Variants in VAV3 observed in about 807,000 individuals in gnomAD.
VAV3 encodes the protein guanine nucleotide exchange factor VAV3.
In VAV3, 94 loss-of-function variants were observed where a neutral mutation model predicts 131.2. The observed-to-expected ratio is 0.72, with a 90% CI of 0.61 to 0.85. VAV3 has a LOEUF of 0.85. Ranked by LOEUF, VAV3 falls within the 40% of genes least tolerant of loss-of-function variation. VAV3 has a pLI of 0.00. For missense variants in VAV3, 939 were observed against 1,002.7 expected, an observed-to-expected ratio of 0.94 and a Z score of 0.86; for synonymous variants, 349 against 342.0, an observed-to-expected ratio of 1.02 and a Z score of -0.22.
chr1:107,761,037 C>A (rs1053548156), intron 9 of VAV3, among the ~76,000 whole-genome samples, 158 bp from the exon 10 acceptor site: 1 of 152,136 alleles, frequency 6.6e-6, no homozygotes, highest in Non-Finnish European at 1.5e-5. Flanking sequence ...TTTAAAAAAA[C>A]AAATCTTGTA....
intron 19 of VAV3, among the ~76,000 whole-genome samples, chr1:107,681,028 C>A (rs1156328500): frequency 2.0e-5 from 3 of 152,200 alleles, no homozygotes; most frequent in Non-Finnish European, 4.4e-5. Context: ...CTACTACCCA[C>A]TGGACTATGC....
chr1:107,803,101 C>T (rs1666903692), intron 2 of VAV3, among the ~76,000 whole-genome samples: 2 of 151,840 alleles, frequency 1.3e-5, no homozygotes, highest in African/African-American at 4.8e-5. Context: ...TTATCTGTTT[C>T]TTCTAGTTTT....
intron 2 of VAV3, among the ~76,000 whole-genome samples, chr1:107,783,643 G>A (rs543438633): frequency 1.1e-4 from 17 of 152,210 alleles, no homozygotes; most frequent in Admixed American, 5.9e-4. Flanking sequence ...ACTCCTCCAC[G>A]GAGCCTTCTC....
At chr1:107,619,751 T>C (rs1204393691) in intron 20 of VAV3, among the ~76,000 whole-genome samples, 1 of 152,166 alleles carries the variant, frequency 6.6e-6, no homozygotes. Flanking sequence ...TAGTAAACTG[T>C]CAACTTCCAC....
At chr1:107,667,220 G>C (rs1425506918) in intron 19 of VAV3, among the ~76,000 whole-genome samples, 1 of 152,176 alleles carries the variant, frequency 6.6e-6, no homozygotes, top group South Asian at 2.1e-4. Flanking sequence ...GCCAGACACT[G>C]TGCTAATGTT....
In VAV3 at chr1:107,586,808, T is replaced by C. The variant is rs1570564759; in HGVS notation, c.2350+9404A>G. On this transcript the variant is annotated intron_variant, in intron 25 of 26. Transcript: ENST00000370056. ...AATGTACAATGCATTATTTTTATAG[T>C]ATATTTGGGGTTATCTTGGTAGGAA... Among the ~76,000 whole-genome samples, 4 of 152,292 alleles carry C rather than the reference T, an allele frequency of 2.6e-5. No individual in the cohort carries two copies. The East Asian group carries it at 7.7e-4, about 29-fold the overall frequency.
At chr1:107,931,715 T>G (rs2101208412) in intron 1 of VAV3, among the ~76,000 whole-genome samples, 1 of 152,334 alleles carries the variant, frequency 6.6e-6, no homozygotes, top group South Asian at 2.1e-4. Flanking sequence ...AGAACTTAAG[T>G]GGTCTGCTCA....
At chr1:107,820,153 C>T (rs1459142510) in intron 2 of VAV3, among the ~76,000 whole-genome samples, 2 of 152,178 alleles carry the variant, frequency 1.3e-5, no homozygotes, top group Non-Finnish European at 2.9e-5. Context: ...GAGATATCTG[C>T]ACTCCCCTGT....
intron 1 of VAV3, among the ~76,000 whole-genome samples, chr1:107,961,488 A>C (rs1031779596): frequency 2.0e-5 from 3 of 152,150 alleles, no homozygotes; most frequent in Non-Finnish European, 2.9e-5. Flanking sequence ...AATAAATCTC[A>C]AATATAGACA....
intron 2 of VAV3, among the ~76,000 whole-genome samples, chr1:107,855,712 A>C (rs895767760): frequency 3.9e-5 from 6 of 152,178 alleles, no homozygotes; most frequent in African/African-American, 1.4e-4. Context: ...ACCCACAATA[A>C]ATCTAATAGT....
intron 19 of VAV3, among the ~76,000 whole-genome samples, chr1:107,683,150 T>C (rs1321422385): frequency 6.6e-6 from 1 of 152,192 alleles, no homozygotes; most frequent in South Asian, 2.1e-4. Flanking sequence ...CAGTGATTTT[T>C]AAGTGGCAGC....
rs534230204 is a variant in VAV3, at chr1:107,840,896, G to A, written c.321+34005C>T. ...GAAGGAAGTGAAAACTCTGAGCAAG[G>A]GATCAACATGTTCAGAGATGCTTTT... On this transcript the variant is annotated intron_variant, in intron 2 of 26. Transcript: ENST00000370056. 1.5e-4 allele frequency among the ~76,000 whole-genome samples: 23 copies of A among 151,834 alleles called. No individual in the cohort carries two copies. In the South Asian group the frequency reaches 2.1e-3, roughly 14 times the overall value.
At chr1:107,650,703 T>C (rs1323689352) in intron 19 of VAV3, among the ~76,000 whole-genome samples, 35 of 90,960 alleles carry the variant, frequency 3.8e-4, no homozygotes, top group African/African-American at 4.8e-4. Flanking sequence ...ATGCTATCCC[T>C]CCCCCCCCTC....
chr1:107,943,886 G>A (rs1195491425), intron 1 of VAV3, among the ~76,000 whole-genome samples: 1 of 152,160 alleles, frequency 6.6e-6, no homozygotes, highest in Admixed American at 6.5e-5. Flanking sequence ...AGCCTCACCT[G>A]CAACACGAGT....
chr1:107,865,880 C>G (rs940793295), intron 2 of VAV3, among the ~76,000 whole-genome samples: 6 of 152,296 alleles, frequency 3.9e-5, no homozygotes, highest in Non-Finnish European at 8.8e-5. Flanking sequence ...TAACTGAATG[C>G]AGGCACCAGA....
intron 1 of VAV3, among the ~76,000 whole-genome samples, chr1:107,910,341 C>T (rs1672307664): frequency 1.3e-5 from 2 of 152,208 alleles, no homozygotes; most frequent in Admixed American, 1.3e-4. Context: ...TCCCCTCTTC[C>T]GTGTCCTGAA....
At chr1:107,847,467 A>G (rs576880706) in intron 2 of VAV3, among the ~76,000 whole-genome samples, 29 of 152,352 alleles carry the variant, frequency 1.9e-4, no homozygotes, top group African/African-American at 6.5e-4. Context: ...CCCTTCAAAA[A>G]AATCAGTGAA....
chr1:107,573,040 A>T lies in VAV3; in HGVS notation c.*291T>A. 2.5e-6 allele frequency: 1 copy of T among 396,892 alleles called. No homozygotes were observed. The highest frequency in any genetic ancestry group is 4.4e-6 in the Non-Finnish European group (1 of 224,866). 24.6% of individuals were successfully genotyped at this position (396,892 alleles called of 1,614,324 possible). A position where few individuals can be genotyped will look rare whatever the true frequency, so the allele number is the denominator to read the frequency against. ...AAGAAGTAAAGGGAAGCACGAACCAATGTGTTTGCAGGGCTCTTCTGGGAA... is the reference window on the plus strand; with the variant it reads ...AAGAAGTAAAGGGAAGCACGAACCATTGTGTTTGCAGGGCTCTTCTGGGAA... On this transcript the variant is annotated 3_prime_UTR_variant, in exon 27 of 27. Coordinates refer to ENST00000370056, the MANE Select transcript of VAV3 (RefSeq NM_006113.5).
At chr1:107,679,380 G>T (rs1426817462) in intron 19 of VAV3, among the ~76,000 whole-genome samples, 2 of 152,088 alleles carry the variant, frequency 1.3e-5, no homozygotes, top group East Asian at 3.8e-4. Flanking sequence ...TTATCACAAA[G>T]CACAAGAATA....
Sources: allele counts gnomAD v4.1 joint callset (sites outside exome capture counted in the v4.1 genomes callset), GRCh38; gene constraint gnomAD v4.1.1; transcripts MANE v1.5; gene names NCBI Gene and HGNC (gene_info 2026-07-23, HGNC 2026-07-21).